The following DYNC1I2 variants were observed in gnomAD, a reference collection of about 807,000 sequenced individuals.
DYNC1I2 encodes the protein dynein cytoplasmic 1 intermediate chain 2.
DYNC1I2 carries 53 observed loss-of-function variants against 88.6 expected under a neutral mutation model. The ratio of observed to expected loss-of-function variants is 0.60; its 90% CI spans 0.48 to 0.75. The LOEUF is 0.75. Among genes scored for constraint, DYNC1I2 ranks in the 30% least tolerant of loss-of-function variants. The pLI is 0.00. For synonymous variants in DYNC1I2, 198 were observed against 254.6 expected (o/e 0.78, Z 2.12); for missense variants, 458 against 766.6 (o/e 0.60, Z 4.75).
At chr2:171,724,017 A>G (rs1038272863) in intron 7 of DYNC1I2, among the ~76,000 whole-genome samples, 20 of 152,184 alleles carry the variant, frequency 1.3e-4, no homozygotes, top group Admixed American at 2.6e-4. Context: ...CGTTGAAAGG[A>G]AAAATTTTAA....
intron 16 of DYNC1I2, among the ~76,000 whole-genome samples, chr2:171,745,342 A>G (rs1689708970): frequency 6.6e-6 from 1 of 152,230 alleles, no homozygotes. Flanking sequence ...AACCGTTTCT[A>G]GGAACACTGA....
intron 3 of DYNC1I2, among the ~76,000 whole-genome samples, chr2:171,697,385 T>C (rs144277253): frequency 6.6e-6 from 1 of 152,132 alleles, no homozygotes; most frequent in Non-Finnish European, 1.5e-5. Context: ...GATATCTACT[T>C]GTTGAAGAGG....
chr2:171,697,209 T>TG (rs1199596631), intron 3 of DYNC1I2, among the ~76,000 whole-genome samples: 1 of 151,854 alleles, frequency 6.6e-6, no homozygotes, highest in Non-Finnish European at 1.5e-5. Flanking sequence ...TTTATAGAGA[T>TG]GGGGTCTCAC....
rs914061415 is a variant in DYNC1I2 at position 171,726,066 on chromosome 2, T to C, written c.755T>C (p.Leu252Ser). The change falls in exon 9 of 18, where the codon TTG (leucine) becomes TCG (serine). Residue 252 changes from leucine (L) to serine (S), a missense_variant. Transcript: ENST00000397119. ...NIFFDYSGRDLEDKEGEIQAG... is the reference protein window; with the variant it reads ...NIFFDYSGRDSEDKEGEIQAG... Reference sequence around the variant, plus strand: ...TTCTTTGACTATAGTGGGAGAGATTTGGAAGACAAAGAAGGGTAATGTTTA... The same window carrying C: ...TTCTTTGACTATAGTGGGAGAGATTCGGAAGACAAAGAAGGGTAATGTTTA... 1.3e-6 allele frequency: 2 copies of C among 1,578,306 alleles called. No homozygotes were observed. Among genetic ancestry groups the C allele is most frequent in the African/African-American group, 2.7e-5 (2 of 73,020 alleles).
chr2:171,748,568 A>G lies in DYNC1I2; in HGVS notation c.*679A>G, dbSNP rs1255286960. The G allele has an allele frequency of 6.6e-6, 1 of 152,206 alleles. No individual in the cohort carries two copies. The highest frequency in any genetic ancestry group is 1.9e-4 in the East Asian group (1 of 5,204). 9.4% of individuals were successfully genotyped at this position (152,206 alleles called of 1,614,324 possible). A position where few individuals can be genotyped will look rare whatever the true frequency, so the allele number is the denominator to read the frequency against. On this transcript the variant is annotated 3_prime_UTR_variant, in exon 18 of 18. Coordinates refer to ENST00000397119, the MANE Select transcript of DYNC1I2 (RefSeq NM_001378.3). ...AAATATACCATGTGGTATATACTAT[A>G]GATCTCCCAGTGCATTATGAATTGA...
intron 1 of DYNC1I2, among the ~76,000 whole-genome samples, chr2:171,688,974 G>A (rs894688774): frequency 6.6e-6 from 1 of 151,812 alleles, no homozygotes; most frequent in Admixed American, 6.6e-5. Context: ...GGAGTTCCTG[G>A]CTCCTGCCTT....
chr2:171,722,773 A>T (rs1350459524), intron 7 of DYNC1I2, among the ~76,000 whole-genome samples: 1 of 152,192 alleles, frequency 6.6e-6, no homozygotes, highest in Admixed American at 6.5e-5. Context: ...TGCATTTTAC[A>T]GTTTTTAAGA....
chr2:171,694,106 C>G (rs188503955), intron 3 of DYNC1I2, among the ~76,000 whole-genome samples: 1 of 151,342 alleles, frequency 6.6e-6, no homozygotes, highest in Non-Finnish European at 1.5e-5. Context: ...GGCACAATCT[C>G]GGCTCACTGC....
At chr2:171,718,941 G>A (rs1660190633) in intron 7 of DYNC1I2, among the ~76,000 whole-genome samples, 1 of 152,172 alleles carries the variant, frequency 6.6e-6, no homozygotes, top group African/African-American at 2.4e-5. Flanking sequence ...AGCTATGATT[G>A]TAAACCAAAT....
Position 171,726,236 on chromosome 2 carries a change from T to C in DYNC1I2, c.813T>C (p.Phe271=), listed in dbSNP as rs1047672191. The change falls in exon 10 of 18, where the codon TTT becomes TTC. Residue 271 remains phenylalanine (F), a synonymous_variant. Coordinates refer to ENST00000397119, the MANE Select transcript of DYNC1I2 (RefSeq NM_001378.3). ...CTAAACTGTCATTAAATCGACAATT[T>C]TTTGACGAACGTTGGTCAAAGCATC... ...AGAKLSLNRQ[F]FDERWSKHRV... is the part of the protein sequence containing the mutation. The C allele has an allele frequency of 1.2e-6, 2 of 1,612,452 alleles. No individual in the cohort carries two copies. Among genetic ancestry groups the C allele is most frequent in the Non-Finnish European group, 1.7e-6 (2 of 1,179,420 alleles).
chr2:171,742,435 G>A (rs1689508559), intron 15 of DYNC1I2, among the ~76,000 whole-genome samples: 1 of 152,172 alleles, frequency 6.6e-6, no homozygotes, highest in Non-Finnish European at 1.5e-5. Context: ...GCTTCTCAAA[G>A]TGCTGGGATT....
intron 14 of DYNC1I2, 42 bp from the exon 15 acceptor site, chr2:171,729,667 T>C (rs781775327): frequency 1.1e-5 from 18 of 1,608,814 alleles, no homozygotes; most frequent in Non-Finnish European, 1.5e-5. Context: ...ATTGGTCTAC[T>C]TATAGGAGAC....
rs528705111 is a variant in DYNC1I2, at chr2:171,702,988, A to G, written c.227-3559A>G. On this transcript the variant is annotated intron_variant, in intron 3 of 17. Coordinates refer to ENST00000397119, the MANE Select transcript of DYNC1I2 (RefSeq NM_001378.3). Reference sequence around the variant, plus strand: ...GATCCTCCTGCCTTGACCTTCCAAGATGCTGGGATTACAGGCATGAGTCAC... The same window carrying G: ...GATCCTCCTGCCTTGACCTTCCAAGGTGCTGGGATTACAGGCATGAGTCAC... Among the ~76,000 whole-genome samples, 19 of 152,272 alleles carry G rather than the reference A, an allele frequency of 1.2e-4. 3 individuals carry two copies. The highest frequency in any genetic ancestry group is 1.2e-3 in the Admixed American group (19 of 15,302).
rs765261323 is a variant in DYNC1I2, at chr2:171,747,913, A to G, written c.*24A>G. On this transcript the variant is annotated 3_prime_UTR_variant, in exon 18 of 18. Transcript: ENST00000397119. ...AGTTCCTGAAAAGGGGAGTGTAACT[A>G]GTGGATTTGGGAAAGGTTCTTAAGT... is the stretch of plus-strand genomic sequence containing the variant. 2.5e-5 allele frequency: 38 copies of G among 1,520,234 alleles called. No homozygotes were observed. In the African/African-American group the frequency reaches 4.3e-4, roughly 17 times the overall value. 94.2% of individuals were successfully genotyped at this position (1,520,234 alleles called of 1,614,324 possible).
At chr2:171,718,254 A>C (rs1361591203) in intron 7 of DYNC1I2, among the ~76,000 whole-genome samples, 2 of 151,778 alleles carry the variant, frequency 1.3e-5, no homozygotes, top group East Asian at 3.9e-4. Context: ...CACCACATCC[A>C]GCCAAGATTT....
rs560727903 is a variant in DYNC1I2, at chr2:171,715,855, G to A, written c.511+412G>A. On this transcript the variant is annotated intron_variant, in intron 7 of 17. Transcript: ENST00000397119. ...GTAAATTATTTCTGAAAAGCATACT[G>A]TACCCTGATGTTATTCATACTAATG... 1.1e-3 allele frequency among the ~76,000 whole-genome samples: 174 copies of A among 152,204 alleles called. 1 individual carries two copies. Among genetic ancestry groups the A allele is most frequent in the Non-Finnish European group, 2.0e-3 (137 of 67,994 alleles).
chr2:171,728,791 C>T lies in DYNC1I2; in HGVS notation c.1332C>T (p.Val444=). 1 of 1,610,360 alleles carries T rather than the reference C, an allele frequency of 6.2e-7. No individual in the cohort carries two copies. Among genetic ancestry groups the T allele is most frequent in the South Asian group, 1.1e-5 (1 of 90,236 alleles). The change falls in exon 14 of 18, where the codon GTC becomes GTT. Residue 444 remains valine, a synonymous_variant. Transcript: ENST00000397119. The part of the protein sequence containing the change: ...VTSMSFPVGD[V]NNFVVGSEEG... The stretch of plus-strand genomic sequence containing the variant: ...CTATGTCCTTCCCTGTTGGAGATGT[C>T]AACAACTTTGTTGTTGGGAGTGAAG...
chr2:171,699,639 C>T (rs960362478), intron 3 of DYNC1I2, among the ~76,000 whole-genome samples: 11 of 118,036 alleles, frequency 9.3e-5, no homozygotes, highest in Non-Finnish European at 1.1e-4. Flanking sequence ...TGTGTGGCGG[C>T]GGGCGGGGGT....
intron 4 of DYNC1I2, chr2:171,706,821 A>T (rs1432654210): frequency 4.6e-6 from 2 of 438,336 alleles, no homozygotes; most frequent in Non-Finnish European, 8.0e-6. Context: ...ACAAAAGTTA[A>T]TATTTTAAAA....
Sources: gnomAD v4.1 joint callset for allele counts (sites outside exome capture counted in the v4.1 genomes callset) on GRCh38, gnomAD v4.1.1 for gene constraint, MANE v1.5 for transcripts, NCBI Gene and HGNC (gene_info 2026-07-23, HGNC 2026-07-21) for gene names.